ADGRF4: variants seen among roughly 807,000 people sequenced by gnomAD.
The protein encoded by ADGRF4 is adhesion G protein-coupled receptor F4.
Under a neutral mutation model 58.5 loss-of-function variants are expected in ADGRF4, and 63 were observed. The ratio of observed to expected loss-of-function variants is 1.08; its 90% CI spans 0.88 to 1.33. The LOEUF (loss-of-function observed/expected upper bound fraction) is 1.33, where lower values mean the gene tolerates loss of function less well. ADGRF4 is among the 40% of genes most tolerant of loss of function. ADGRF4 has a pLI of 0.00. For missense variants in ADGRF4, 931 were observed against 843.9 expected (o/e 1.10, Z -1.28); for synonymous variants, 313 against 295.4 (o/e 1.06, Z -0.61).
At chr6:47,703,837 G>T (rs1771644613) in intron 1 of ADGRF4, among the ~76,000 whole-genome samples, 1 of 152,178 alleles carries the variant, frequency 6.6e-6, no homozygotes. Flanking sequence ...TGTCATAGCT[G>T]TTGGATCCTT....
At position 47,721,419 on chromosome 6, in the gene ADGRF4, C is replaced by T. The variant is rs1193428703; in HGVS notation, c.*214C>T. The stretch of plus-strand genomic sequence containing the variant: ...GGCTTTAAGGAGCATGATTTATGGA[C>T]CCCTTAACCTACCCGTGCCCTGCAA... On this transcript the variant is annotated 3_prime_UTR_variant, in exon 10 of 10. Coordinates refer to ENST00000283303, the MANE Select transcript of ADGRF4 (RefSeq NM_153838.5). The T allele has an allele frequency of 1.3e-5, 2 of 152,194 alleles. No homozygotes were observed. Among genetic ancestry groups the T allele is most frequent in the South Asian group, 4.1e-4 (2 of 4,822 alleles). The allele number at this position is 152,194 out of a possible 1,614,324, so 9.4% of individuals were successfully genotyped here. A position where few individuals can be genotyped will look rare whatever the true frequency, so the allele number is the denominator to read the frequency against.
intron 1 of ADGRF4, among the ~76,000 whole-genome samples, chr6:47,705,698 G>T (rs926435266): frequency 6.6e-6 from 1 of 152,106 alleles, no homozygotes; most frequent in Non-Finnish European, 1.5e-5. Context: ...ACCCAGAAAG[G>T]GTCTGATGTC....
chr6:47,719,305 G>A (rs1216102277), intron 9 of ADGRF4, among the ~76,000 whole-genome samples: 1 of 152,110 alleles, frequency 6.6e-6, no homozygotes, highest in Non-Finnish European at 1.5e-5. Flanking sequence ...ACAGTCGCAG[G>A]GAGAGGGAGA....
rs114661437 is a variant in ADGRF4 at position 47,712,521 on chromosome 6, A to G, written c.465A>G (p.Thr155=). ...CITDMVKSSE[T]TSGNIAFIVE... ...CTGACATGGTGAAATCATCAGAAAC[A>G]ACATCTGGAAATATTGCATTTATAG... Residue 155 remains threonine, a synonymous_variant, in exon 5 of 10, where the codon ACA becomes ACG. Transcript: ENST00000283303. 2,262 of 1,613,086 alleles carry G rather than the reference A, an allele frequency of 1.4e-3. 20 individuals carry two copies. Among genetic ancestry groups the G allele is most frequent in the African/African-American group, 0.014 (1,013 of 75,030 alleles).
chr6:47,708,542 C>A (rs1040447132), intron 3 of ADGRF4, among the ~76,000 whole-genome samples: 1 of 152,212 alleles, frequency 6.6e-6, no homozygotes, highest in Non-Finnish European at 1.5e-5. Context: ...AAAGAGAAAT[C>A]TGTTCAAAGT....
Position 47,713,860 on chromosome 6 carries a change from T to C in ADGRF4, c.615T>C (p.Ile205=), listed in dbSNP as rs533490369. 1 of 1,598,602 alleles carries C rather than the reference T, an allele frequency of 6.3e-7. No homozygotes were observed. Among genetic ancestry groups the C allele is most frequent in the East Asian group, 2.2e-5 (1 of 44,794 alleles). ...DTAAISNWAF[I]PNKNASSDLL... ...CAGCCATTTCAAACTGGGCTTTCAT[T>C]CCCAACAAAAATGCCAGCTCGGATT... Residue 205 remains isoleucine (I), a synonymous_variant, in exon 6 of 10, where the codon ATT becomes ATC. Transcript: ENST00000283303.
In ADGRF4 at chr6:47,711,322, G is replaced by C. The variant is rs1283997800; in HGVS notation, c.300+436G>C. Reference sequence around the variant, plus strand: ...TCTGCCTCCAGGCTGGAGTGCAGTGGCGCAATCTCAGCTCACTGCAACCTC... The same window carrying C: ...TCTGCCTCCAGGCTGGAGTGCAGTGCCGCAATCTCAGCTCACTGCAACCTC... On this transcript the variant is annotated intron_variant, in intron 4 of 9. Transcript: ENST00000283303. Among the ~76,000 whole-genome samples, 3 of 152,098 alleles carry C rather than the reference G, an allele frequency of 2.0e-5. No homozygotes were observed. The East Asian group carries it at 5.8e-4, about 29-fold the overall frequency.
intron 2 of ADGRF4, among the ~76,000 whole-genome samples, chr6:47,707,567 G>T (rs1247059614): frequency 3.3e-5 from 5 of 152,206 alleles, no homozygotes; most frequent in African/African-American, 1.2e-4. Flanking sequence ...AATGGGAAAT[G>T]TAGATAGAAT....
intron 3 of ADGRF4, among the ~76,000 whole-genome samples, chr6:47,710,443 A>C (rs1771832823): frequency 1.3e-5 from 2 of 152,132 alleles, no homozygotes. Flanking sequence ...GCATGAGTTA[A>C]CCCCTGCTTT....
intron 1 of ADGRF4, among the ~76,000 whole-genome samples, chr6:47,701,936 C>A (rs535184445): frequency 1.3e-5 from 2 of 152,284 alleles, no homozygotes; most frequent in South Asian, 2.1e-4. Context: ...CAGGTTCAAG[C>A]GATTTGATTC....
chr6:47,715,309 A>G (rs765137249), intron 6 of ADGRF4, 132 bp downstream of exon 6: 3 of 710,334 alleles, frequency 4.2e-6, no homozygotes, highest in Admixed American at 2.7e-5. Context: ...TGGCTATGGC[A>G]TCTGTGACTG....
intron 1 of ADGRF4, among the ~76,000 whole-genome samples, chr6:47,703,207 G>A (rs1326566946): frequency 1.3e-5 from 2 of 151,912 alleles, no homozygotes; most frequent in East Asian, 3.9e-4. Flanking sequence ...TTTATCAGTG[G>A]TAGATCTAAG....
rs939899883 is a variant in ADGRF4, at chr6:47,712,859, A to G, written c.552+251A>G. On this transcript the variant is annotated intron_variant, in intron 5 of 9. Transcript: ENST00000283303. ...AATATCACATAGTGTAGTGATGGCT[A>G]TGAGCAAGACGGAATGTACACTAAT... 7.9e-5 allele frequency among the ~76,000 whole-genome samples: 12 copies of G among 152,334 alleles called. No individual in the cohort carries two copies. In the South Asian group the frequency reaches 8.3e-4, roughly 11 times the overall value.
intron 5 of ADGRF4, among the ~76,000 whole-genome samples, chr6:47,713,161 A>G (rs550865938): frequency 1.3e-5 from 2 of 152,302 alleles, no homozygotes; most frequent in Middle Eastern, 3.4e-3. Flanking sequence ...TTCATCCTGA[A>G]ACCATCCCTA....
chr6:47,714,046 A>G lies in ADGRF4; in HGVS notation c.801A>G (p.Glu267=), dbSNP rs1032856603. ...CCATGAGCATGAACAATACCACAGAAGATATCTTAGGAATGGTACAGATTC... is the reference window on the plus strand; with the variant it reads ...CCATGAGCATGAACAATACCACAGAGGATATCTTAGGAATGGTACAGATTC... ...NFSMSMNNTT[E]DILGMVQIPR... is the part of the protein sequence containing the mutation. Residue 267 remains glutamate, a synonymous_variant, in exon 6 of 10, where the codon GAA becomes GAG. Coordinates refer to ENST00000283303, the MANE Select transcript of ADGRF4 (RefSeq NM_153838.5). The G allele has an allele frequency of 2.5e-6, 4 of 1,613,360 alleles. No homozygotes were observed. The highest frequency in any genetic ancestry group is 2.5e-6 in the Non-Finnish European group (3 of 1,179,772).
At chr6:47,719,648 G>C (rs566156376) in intron 9 of ADGRF4, among the ~76,000 whole-genome samples, 76 of 152,226 alleles carry the variant, frequency 5.0e-4, no homozygotes, top group Middle Eastern at 6.8e-3. Context: ...TCAGGTGGAG[G>C]GGGCCCTGCC....
intron 2 of ADGRF4, among the ~76,000 whole-genome samples, chr6:47,708,007 T>C (rs1771761520): frequency 6.6e-6 from 1 of 152,200 alleles, no homozygotes. Flanking sequence ...GTGACCACCA[T>C]CAAGGTTCTA....
intron 9 of ADGRF4, among the ~76,000 whole-genome samples, chr6:47,719,447 A>G (rs1419317349): frequency 6.6e-6 from 1 of 152,154 alleles, no homozygotes; most frequent in Non-Finnish European, 1.5e-5. Flanking sequence ...GACCTTTACA[A>G]AAGTTGACCC....
chr6:47,712,554 A>G lies in ADGRF4; in HGVS notation c.498A>G (p.Leu166=). ...GAAATATTGCATTTATAGTGGAGTT[A>G]TTAAAAAATATTTCTACAGACTTGT... ...TSGNIAFIVE[L]LKNISTDLSD... is the part of the protein sequence containing the mutation. The change falls in exon 5 of 10, where the codon TTA becomes TTG. Residue 166 remains leucine, a synonymous_variant. Coordinates refer to ENST00000283303, the MANE Select transcript of ADGRF4 (RefSeq NM_153838.5). 6.3e-7 allele frequency: 1 copy of G among 1,598,356 alleles called. No homozygotes were observed. The highest frequency in any genetic ancestry group is 1.3e-5 in the African/African-American group (1 of 74,790).
Sources: allele counts gnomAD v4.1 joint callset (sites outside exome capture counted in the v4.1 genomes callset), GRCh38; gene constraint gnomAD v4.1.1; transcripts MANE v1.5; gene names NCBI Gene and HGNC (gene_info 2026-07-23, HGNC 2026-07-21).